MACROD2: variants seen among roughly 807,000 people sequenced by gnomAD.
MACROD2 encodes ADP-ribose glycohydrolase MACROD2.
Under a neutral mutation model 70.4 loss-of-function variants are expected in MACROD2, and 36 were observed. The ratio of observed to expected loss-of-function variants is 0.51; its 90% CI spans 0.39 to 0.68. The LOEUF is 0.68. Among genes scored for constraint, MACROD2 ranks in the 30% least tolerant of loss-of-function variants. The pLI is 0.00. For missense variants in MACROD2, 496 were observed against 538.4 expected (o/e 0.92, Z 0.78); for synonymous variants, 172 against 178.8 (o/e 0.96, Z 0.30).
At chr20:15,361,533 T>C (rs886641870) in intron 6 of MACROD2, among the ~76,000 whole-genome samples, 4 of 152,218 alleles carry the variant, frequency 2.6e-5, no homozygotes, top group African/African-American at 9.6e-5. Context: ...CTTTCATCAT[T>C]GTCTATTCTA....
intron 4 of MACROD2, chr20:14,566,574 G>A (rs1028447007): frequency 5.3e-5 from 8 of 151,946 alleles, no homozygotes; most frequent in African/African-American, 1.9e-4. Flanking sequence ...AGATGGGTCA[G>A]ATTCCCCTTT....
At chr20:15,542,114 A>T (rs916870461) in intron 8 of MACROD2, among the ~76,000 whole-genome samples, 10 of 152,178 alleles carry the variant, frequency 6.6e-5, no homozygotes, top group African/African-American at 9.7e-5. Context: ...GGTTATACAA[A>T]AAAAAGTATA....
At chr20:16,020,661 A>C (rs2066988960) in intron 15 of MACROD2, among the ~76,000 whole-genome samples, 1 of 150,286 alleles carries the variant, frequency 6.7e-6, no homozygotes, top group Non-Finnish European at 1.5e-5. Context: ...ACTTTGGCTA[A>C]AATTTATTAT....
At chr20:14,848,438 G>A (rs1164284709) in intron 5 of MACROD2, among the ~76,000 whole-genome samples, 1 of 152,042 alleles carries the variant, frequency 6.6e-6, no homozygotes, top group South Asian at 2.1e-4. Flanking sequence ...GAGAAAGTTG[G>A]CCCTTGCTCT....
At chr20:15,499,740 G>A (rs751548890) in intron 7 of MACROD2, 34 bp from the exon 8 acceptor site, 6 of 1,607,886 alleles carry the variant, frequency 3.7e-6, no homozygotes, top group Admixed American at 1.7e-5. Flanking sequence ...TTCATCTTTC[G>A]TTGTTCATTT....
In MACROD2 at chr20:15,234,012, C is replaced by CTTTTTTT. The variant is rs1177498607; in HGVS notation, c.540+3982_540+3988dup. Among the ~76,000 whole-genome samples, 11 of 29,182 alleles carry CTTTTTTT rather than the reference C, an allele frequency of 3.8e-4. 2 individuals carry two copies. The highest frequency in any genetic ancestry group is 5.2e-4 in the Non-Finnish European group (9 of 17,362). The allele number at this position is 29,182 out of a possible 152,430, so 19.1% of individuals were successfully genotyped here. A position where few individuals can be genotyped will look rare whatever the true frequency, so the allele number is the denominator to read the frequency against. On this transcript the variant is annotated intron_variant, in intron 6 of 17. Coordinates refer to ENST00000684519, the MANE Select transcript of MACROD2 (RefSeq NM_001351661.2). ...ATATATATATATATATATATATATTCTTTTTTTTTTTTTTTTTTTTTTTTT... is the reference window on the plus strand; with the variant it reads ...ATATATATATATATATATATATATTCTTTTTTTTTTTTTTTTTTTTTTTTTTTTTTTT...
rs544084167 is a variant in MACROD2 at position 15,125,295 on chromosome 20, A to T, written c.419-104645A>T. On this transcript the variant is annotated intron_variant, in intron 5 of 17. Transcript: ENST00000684519. ...AAGTAATTCCTAAATATGGCCTTAA[A>T]CTCTCTTCCCCAAAACAAACACATT... is the stretch of plus-strand genomic sequence containing the variant. Among the ~76,000 whole-genome samples, 5 of 152,118 alleles carry T rather than the reference A, an allele frequency of 3.3e-5. No individual in the cohort carries two copies. In the East Asian group the frequency reaches 9.7e-4, roughly 29 times the overall value.
intron 4 of MACROD2, among the ~76,000 whole-genome samples, chr20:14,546,146 T>G (rs1468233631): frequency 2.0e-5 from 3 of 152,212 alleles, no homozygotes; most frequent in Non-Finnish European, 4.4e-5. Context: ...TAAGATGCTA[T>G]CCATCCACAT....
At chr20:15,237,824 C>G (rs1188723319) in intron 6 of MACROD2, among the ~76,000 whole-genome samples, 1 of 152,000 alleles carries the variant, frequency 6.6e-6, no homozygotes, top group Non-Finnish European at 1.5e-5. Context: ...CCTTCATCAG[C>G]TGGCTGAGGA....
intron 4 of MACROD2, among the ~76,000 whole-genome samples, chr20:14,535,173 T>C (rs1014703298): frequency 3.3e-5 from 5 of 152,172 alleles, no homozygotes; most frequent in Admixed American, 3.3e-4. Context: ...CCTTTAGAAT[T>C]TGAGATTGTA....
chr20:14,125,247 G>A (rs73903715), intron 3 of MACROD2, among the ~76,000 whole-genome samples: 31,462 of 151,990 alleles, frequency 0.21, 3,386 homozygotes, highest in Admixed American at 0.24. Flanking sequence ...ACAACATTTT[G>A]AATGTTCTAC....
At chr20:15,506,099 T>G (rs1433891295) in intron 8 of MACROD2, among the ~76,000 whole-genome samples, 1 of 152,126 alleles carries the variant, frequency 6.6e-6, no homozygotes, top group East Asian at 1.9e-4. Context: ...CTCGGCAAGT[T>G]GATGCCAGCC....
At chr20:14,555,684 AGATATTGGCACTAAG>A (rs1978979310) in intron 4 of MACROD2, among the ~76,000 whole-genome samples, 1 of 152,022 alleles carries the variant, frequency 6.6e-6, no homozygotes, top group African/African-American at 2.4e-5. Context: ...ATTCCATCCC[AGATATTGGCACTAAG>A]GAGAGGCGTG....
chr20:15,007,844 AG>A (rs1425898823), intron 5 of MACROD2, among the ~76,000 whole-genome samples: 11 of 152,242 alleles, frequency 7.2e-5, no homozygotes, highest in African/African-American at 2.7e-4. Context: ...CTCTGGGGCC[AG>A]GCTTGCCCAT....
intron 6 of MACROD2, among the ~76,000 whole-genome samples, chr20:15,253,299 C>T (rs568741058): frequency 6.6e-6 from 1 of 152,268 alleles, no homozygotes; most frequent in East Asian, 1.9e-4. Flanking sequence ...GTAATTAAGA[C>T]TCAATGACCC....
chr20:14,235,945 A>G (rs1433740899), intron 3 of MACROD2, among the ~76,000 whole-genome samples: 1 of 152,112 alleles, frequency 6.6e-6, no homozygotes, highest in African/African-American at 2.4e-5. Context: ...TTTTTTAATT[A>G]TAACTGACAT....
At chr20:15,959,806 A>G (rs562796986) in intron 12 of MACROD2, among the ~76,000 whole-genome samples, 112 of 152,286 alleles carry the variant, frequency 7.4e-4, no homozygotes, top group African/African-American at 2.6e-3. Flanking sequence ...TGCTGGGATT[A>G]CAAGCATGAG....
chr20:15,347,146 A>T (rs567804227), intron 6 of MACROD2, among the ~76,000 whole-genome samples: 3 of 152,194 alleles, frequency 2.0e-5, no homozygotes, highest in African/African-American at 7.2e-5. Context: ...AGCTCTCTAC[A>T]TACTTCAAAT....
At chr20:15,370,871 T>C (rs1345314003) in intron 6 of MACROD2, among the ~76,000 whole-genome samples, 1 of 152,088 alleles carries the variant, frequency 6.6e-6, no homozygotes, top group Non-Finnish European at 1.5e-5. Flanking sequence ...AGACTCAATG[T>C]AATTTATTAT....
Sources: gnomAD v4.1 joint callset for allele counts (sites outside exome capture counted in the v4.1 genomes callset) on GRCh38, gnomAD v4.1.1 for gene constraint, MANE v1.5 for transcripts, NCBI Gene and HGNC (gene_info 2026-07-23, HGNC 2026-07-21) for gene names.